The following RIPOR3 variants were observed in gnomAD, a reference collection of about 807,000 sequenced individuals.
The protein encoded by RIPOR3 is family with sequence similarity 65 member C.
Under a neutral mutation model 114.3 loss-of-function variants are expected in RIPOR3, and 95 were observed. The ratio of observed to expected loss-of-function variants is 0.83; its 90% CI spans 0.70 to 0.99. The LOEUF is 0.99. Ranked by LOEUF, RIPOR3 falls within the 50% of genes least tolerant of loss-of-function variation. The pLI is 0.00. For missense variants in RIPOR3, 1,252 were observed against 1,266.9 expected (o/e 0.99, Z 0.18); for synonymous variants, 575 against 543.8 (o/e 1.06, Z -0.80).
intron 2 of RIPOR3, among the ~76,000 whole-genome samples, chr20:50,626,441 C>A (rs1035318393): frequency 6.6e-6 from 1 of 152,218 alleles, no homozygotes; most frequent in Non-Finnish European, 1.5e-5. Flanking sequence ...CCCTTGCTGA[C>A]GGCCAGCGAG....
chr20:50,605,337 G>C (rs919522976), intron 11 of RIPOR3, among the ~76,000 whole-genome samples: 1 of 152,184 alleles, frequency 6.6e-6, no homozygotes, highest in Admixed American at 6.5e-5. Context: ...TGAGAGATGA[G>C]TGACTTGCTT....
chr20:50,643,706 CTTT>C (rs71190582), intron 1 of RIPOR3, among the ~76,000 whole-genome samples: 22 of 134,948 alleles, frequency 1.6e-4, no homozygotes, highest in Middle Eastern at 4.0e-3. Context: ...TTCTTTCTTT[CTTT>C]TTTTTTTTTT....
chr20:50,669,038 A>C (rs2086363584), intron 1 of RIPOR3, among the ~76,000 whole-genome samples: 1 of 152,068 alleles, frequency 6.6e-6, no homozygotes, highest in Non-Finnish European at 1.5e-5. Context: ...ACATGCACAC[A>C]CACGCATGCA....
chr20:50,599,986 C>T (rs773754255), intron 13 of RIPOR3, among the ~76,000 whole-genome samples: 4 of 151,992 alleles, frequency 2.6e-5, no homozygotes, highest in African/African-American at 7.3e-5. Flanking sequence ...CTGTAACCTC[C>T]GCCTCCCGGG....
In RIPOR3 at chr20:50,608,926, C is replaced by T. The variant is rs767780197; in HGVS notation, c.670G>A (p.Gly224Arg). 46 of 1,592,212 alleles carry T rather than the reference C, an allele frequency of 2.9e-5. No individual in the cohort carries two copies. The South Asian group carries it at 3.2e-4, about 11-fold the overall frequency. ...AGTGGCCGTACCTCATAGTGGTCTCCGGGACAGAGGCGTGCGTAGCCCACC... is the reference window on the plus strand; with the variant it reads ...AGTGGCCGTACCTCATAGTGGTCTCTGGGACAGAGGCGTGCGTAGCCCACC... Reference protein sequence around the residue: ...GLVGYARLCPGDHYEVLMRLG... With the variant: ...GLVGYARLCPRDHYEVLMRLG... The change falls in exon 9 of 22, where the codon GGA (glycine) becomes AGA (arginine). Residue 224 changes from glycine to arginine, a missense_variant. Physicochemically the swap from Gly to Arg is moderately radical, Grantham distance 125 (BLOSUM62 -2). Coordinates refer to ENST00000327979, the MANE Select transcript of RIPOR3 (RefSeq NM_001290268.2).
chr20:50,596,124 C>T lies in RIPOR3; in HGVS notation c.1914+16G>A, dbSNP rs1401598472. 6.2e-7 allele frequency: 1 copy of T among 1,614,018 alleles called. No homozygotes were observed. Reference sequence around the variant, plus strand: ...CCCTGTCTGCCCCTCCCTGACAAGTCCCCTAGCCCAGCCACCTGCAGCAGA... The same window carrying T: ...CCCTGTCTGCCCCTCCCTGACAAGTTCCCTAGCCCAGCCACCTGCAGCAGA... On this transcript the variant is annotated intron_variant, in intron 15 of 21. Transcript: ENST00000327979.
chr20:50,691,002 G>A (rs1013815434), intron 1 of RIPOR3, 124 bp downstream of exon 1: 5 of 1,222,604 alleles, frequency 4.1e-6, no homozygotes, highest in Non-Finnish European at 5.4e-6. Context: ...TCCCTCCTCC[G>A]GCCTTGGGAG....
In RIPOR3 at chr20:50,602,483, T is replaced by A; in HGVS notation, c.1248A>T (p.Arg416=). ...EMDSFSSEDP[R]DTETSTSAST... ...ACGCCGACGTGCTGGTCTCCGTGTC[T>A]CGGGGGTCCTCAGAGCTGAAGGAGT... is the stretch of plus-strand genomic sequence containing the variant. The change falls in exon 13 of 22, where the codon CGA becomes CGT. Residue 416 remains arginine, a synonymous_variant. Transcript: ENST00000327979. The surrounding 1 kb of genome is among the most constrained non-coding windows in gnomAD (Gnocchi z 4.3). 6.4e-7 allele frequency: 1 copy of A among 1,557,594 alleles called. No homozygotes were observed.
At chr20:50,597,960 C>G (rs1225556485) in intron 13 of RIPOR3, among the ~76,000 whole-genome samples, 2 of 152,180 alleles carry the variant, frequency 1.3e-5, no homozygotes, top group African/African-American at 4.8e-5. Context: ...ATCTGAAAAC[C>G]CTCCCCTGTA....
At chr20:50,594,835 G>T in intron 16 of RIPOR3, 121 bp from the exon 17 acceptor site, 1 of 1,156,250 alleles carries the variant, frequency 8.6e-7, no homozygotes. Context: ...GTGGCTTGAT[G>T]CGAGGTCCCT....
At position 50,602,712 on chromosome 20, in the gene RIPOR3, C is replaced by T. The variant is rs1423270762; in HGVS notation, c.1087-68G>A. 8 of 1,240,638 alleles carry T rather than the reference C, an allele frequency of 6.4e-6. No individual in the cohort carries two copies. In the African/African-American group the frequency reaches 9.1e-5, roughly 14 times the overall value. The allele number at this position is 1,240,638 out of a possible 1,614,324, so 76.9% of individuals were successfully genotyped here. On this transcript the variant is annotated intron_variant, in intron 12 of 21. Coordinates refer to ENST00000327979, the MANE Select transcript of RIPOR3 (RefSeq NM_001290268.2). The surrounding 1 kb of genome is among the most constrained non-coding windows in gnomAD (Gnocchi z 4.3). ...GACCACAGCAAGTCCCCCAGAGGGG[C>T]TTCCCCTGACAGACACCCGCTGTGC...
chr20:50,598,076 C>A (rs2083363035), intron 13 of RIPOR3, among the ~76,000 whole-genome samples: 1 of 152,228 alleles, frequency 6.6e-6, no homozygotes, highest in Non-Finnish European at 1.5e-5. Flanking sequence ...GGGGGCCACG[C>A]TCATAGATCG....
chr20:50,658,021 T>C (rs6096050), intron 1 of RIPOR3, among the ~76,000 whole-genome samples: 32,072 of 151,982 alleles, frequency 0.21, 4,183 homozygotes, highest in African/African-American at 0.38. Flanking sequence ...TACCTCGGCC[T>C]CCCAAAGTAC....
chr20:50,614,315 C>T (rs918838115), intron 4 of RIPOR3, among the ~76,000 whole-genome samples: 2 of 152,260 alleles, frequency 1.3e-5, no homozygotes, highest in African/African-American at 2.4e-5. Context: ...AGACTACAAG[C>T]GTGAGCCACT....
At chr20:50,610,141 G>GCCTCCCCT (rs1258394864) in intron 6 of RIPOR3, among the ~76,000 whole-genome samples, 1 of 102,876 alleles carries the variant, frequency 9.7e-6, no homozygotes, top group Admixed American at 9.7e-5. Context: ...CTGCCACCCC[G>GCCTCCCCT]GCCTCACCTG....
intron 15 of RIPOR3, 84 bp downstream of exon 15, chr20:50,596,056 C>G: frequency 1.3e-6 from 2 of 1,580,278 alleles, no homozygotes; most frequent in Non-Finnish European, 1.7e-6. Context: ...CTTCATGCTT[C>G]CCACCACCTT....
rs187051817 is a variant in RIPOR3, at chr20:50,687,637, C to T, written c.3+3489G>A. The stretch of plus-strand genomic sequence containing the variant: ...TTGACGTAGGCTGGGCGCAGTGGCT[C>T]GTGCCTGTAATCCCAACACTTTGGG... On this transcript the variant is annotated intron_variant, in intron 1 of 21. Transcript: ENST00000327979. Among the ~76,000 whole-genome samples, 35 of 152,278 alleles carry T rather than the reference C, an allele frequency of 2.3e-4. No homozygotes were observed. The East Asian group carries it at 6.2e-3, about 27-fold the overall frequency.
rs368176656 is a variant in RIPOR3, at chr20:50,587,878, G to A, written c.2676C>T (p.Ile892=). 8.9e-5 allele frequency: 143 copies of A among 1,614,000 alleles called. No homozygotes were observed. The highest frequency in any genetic ancestry group is 4.9e-4 in the Middle Eastern group (3 of 6,082). The change falls in exon 21 of 22, where the codon ATC becomes ATT. Residue 892 remains isoleucine (I), a synonymous_variant. Coordinates refer to ENST00000327979, the MANE Select transcript of RIPOR3 (RefSeq NM_001290268.2). ...ACTGGCACAGGCTGGCAGTCTGGTC[G>A]ATGCTTTCAATGCCCTGTTCGAGAT... is the stretch of plus-strand genomic sequence containing the variant. ...ALKHLKGIES[I]DQTASLCQSD... is the part of the protein sequence containing the mutation.
In RIPOR3 at chr20:50,615,524, C is replaced by CAAAA. The variant is rs11474316; in HGVS notation, c.348+474_348+477dup. Among the ~76,000 whole-genome samples the CAAAA allele has an allele frequency of 6.0e-4, 35 of 58,346 alleles. 2 individuals carry two copies. Among genetic ancestry groups the CAAAA allele is most frequent in the African/African-American group, 1.7e-3 (28 of 16,636 alleles). The allele number at this position is 58,346 out of a possible 152,430, so 38.3% of individuals were successfully genotyped here. On this transcript the variant is annotated intron_variant, in intron 4 of 21. Coordinates refer to ENST00000327979, the MANE Select transcript of RIPOR3 (RefSeq NM_001290268.2). ...TGGACAACAAAGGGAAATCCTGTCTCAAAAAAAAAAAAAAAAAAAAAAGAC... is the reference window on the plus strand; with the variant it reads ...TGGACAACAAAGGGAAATCCTGTCTCAAAAAAAAAAAAAAAAAAAAAAAAAAGAC...
Sources: gnomAD v4.1 joint callset for allele counts (sites outside exome capture counted in the v4.1 genomes callset) on GRCh38, gnomAD v4.1.1 for gene constraint, Gnocchi (gnomAD v3.1) non-coding constraint, MANE v1.5 for transcripts, NCBI Gene and HGNC (gene_info 2026-07-23, HGNC 2026-07-21) for gene names.